The following APBA2 variants were observed in gnomAD, a reference collection of about 807,000 sequenced individuals.
APBA2 encodes amyloid-beta A4 precursor protein-binding family A member 2.
In APBA2, 30 loss-of-function variants were observed where a neutral mutation model predicts 75.0. The ratio of observed to expected loss-of-function variants is 0.40; its 90% CI spans 0.30 to 0.54. The LOEUF is 0.54. APBA2 is among the 20% of genes least tolerant of loss of function. The pLI, the probability that APBA2 is intolerant of heterozygous loss-of-function variation, is 0.49. For synonymous variants in APBA2, 444 were observed against 409.6 expected, an observed-to-expected ratio of 1.08 and a Z score of -1.01; for missense variants, 801 against 1,016.1, an observed-to-expected ratio of 0.79 and a Z score of 2.88.
intron 1 of APBA2, among the ~76,000 whole-genome samples, chr15:28,891,971 A>G (rs144174823): frequency 0.43 from 65,319 of 152,110 alleles, 14,359 homozygotes; most frequent in Non-Finnish European, 0.47. Context: ...CAATATTTAT[A>G]AAGTCTACGC....
In APBA2 at chr15:29,054,564, A is replaced by G; in HGVS notation, c.680A>G (p.Asp227Gly). The stretch of plus-strand genomic sequence containing the variant: ...CTGGAGGACCAGGAGGAGGACATTG[A>G]CCAGATCGTGGCAGAGATCAAGATG... Reference protein sequence around the residue: ...GDLEDQEEDIDQIVAEIKMSL... With the variant: ...GDLEDQEEDIGQIVAEIKMSL... The change falls in exon 4 of 15, where the codon GAC becomes GGC. Residue 227 changes from aspartate to glycine, a missense_variant. Coordinates refer to ENST00000683413, the MANE Select transcript of APBA2 (RefSeq NM_001353788.2). This position sits in a 1 kb window ranked among gnomAD's most constrained non-coding sequence, Gnocchi z 6.1. 1.2e-6 allele frequency: 2 copies of G among 1,613,824 alleles called. No homozygotes were observed. The highest frequency in any genetic ancestry group is 1.7e-6 in the Non-Finnish European group (2 of 1,179,890).
intron 2 of APBA2, among the ~76,000 whole-genome samples, chr15:28,994,925 G>A (rs551471786): frequency 6.6e-6 from 1 of 152,270 alleles, no homozygotes; most frequent in East Asian, 1.9e-4. Context: ...TGATGCCCCC[G>A]GGAGGAGGCT....
At chr15:28,963,850 A>G (rs538825615) in intron 2 of APBA2, among the ~76,000 whole-genome samples, 1 of 152,378 alleles carries the variant, frequency 6.6e-6, no homozygotes, top group East Asian at 1.9e-4. Context: ...ACAGTGATGT[A>G]GTCAACAGAA....
intron 2 of APBA2, among the ~76,000 whole-genome samples, chr15:28,988,052 C>T (rs1156535583): frequency 6.6e-6 from 1 of 151,960 alleles, no homozygotes; most frequent in Non-Finnish European, 1.5e-5. Flanking sequence ...CCACCATGCC[C>T]AGCCTGTGGA....
intron 6 of APBA2, among the ~76,000 whole-genome samples, chr15:29,090,733 T>A (rs1026088759): frequency 2.0e-5 from 3 of 152,090 alleles, no homozygotes; most frequent in Admixed American, 1.3e-4. Context: ...GCCACTGCAT[T>A]GGGCCCCACT....
intron 2 of APBA2, among the ~76,000 whole-genome samples, chr15:28,969,941 G>A (rs1315899748): frequency 6.6e-6 from 1 of 152,218 alleles, no homozygotes; most frequent in Non-Finnish European, 1.5e-5. Flanking sequence ...GAGCCTCCTC[G>A]CTGCCTGCTG....
rs111440331 is a variant in APBA2 at position 29,002,618 on chromosome 15, G to A, written c.-41+6812G>A. Among the ~76,000 whole-genome samples, 1,008 of 152,228 alleles carry A rather than the reference G, an allele frequency of 6.6e-3. 13 individuals are homozygous for A. The highest frequency in any genetic ancestry group is 0.023 in the African/African-American group (955 of 41,530). ...CCACCAGTTACCTCCTGAGCCTCACGTGTGGGGTACACTGTGTTTTGTCCG... is the reference window on the plus strand; with the variant it reads ...CCACCAGTTACCTCCTGAGCCTCACATGTGGGGTACACTGTGTTTTGTCCG... On this transcript the variant is annotated intron_variant, in intron 3 of 14. Coordinates refer to ENST00000683413, the MANE Select transcript of APBA2 (RefSeq NM_001353788.2).
chr15:29,076,952 C>G (rs1293312580), intron 6 of APBA2, among the ~76,000 whole-genome samples: 2 of 152,168 alleles, frequency 1.3e-5, no homozygotes, highest in Non-Finnish European at 2.9e-5. Context: ...TTGAACCAGG[C>G]TAATCCAGTT....
At chr15:29,116,553 G>T (rs1009470604) in intron 14 of APBA2, among the ~76,000 whole-genome samples, 1 of 151,570 alleles carries the variant, frequency 6.6e-6, no homozygotes, top group African/African-American at 2.4e-5. Context: ...ACATGAACCC[G>T]GGGGGCAGAG....
intron 4 of APBA2, among the ~76,000 whole-genome samples, chr15:29,056,995 C>A (rs114246210): frequency 0.01 from 1,558 of 152,206 alleles, 31 homozygotes; most frequent in African/African-American, 0.036. Context: ...TCCCCTTCCT[C>A]CCCTGGGGGA....
At chr15:29,096,221 G>C (rs904884658) in intron 8 of APBA2, among the ~76,000 whole-genome samples, 9 of 152,210 alleles carry the variant, frequency 5.9e-5, no homozygotes, top group Non-Finnish European at 2.9e-5. Context: ...CCTGTGGCCT[G>C]TTCTCTGGTG....
At chr15:29,051,175 G>A (rs1339511643) in intron 3 of APBA2, among the ~76,000 whole-genome samples, 1 of 152,206 alleles carries the variant, frequency 6.6e-6, no homozygotes, top group Non-Finnish European at 1.5e-5. Flanking sequence ...CAAGTTATAT[G>A]TGGTCTTTGA....
intron 3 of APBA2, among the ~76,000 whole-genome samples, chr15:29,049,292 G>A (rs998050451): frequency 2.6e-5 from 4 of 152,226 alleles, no homozygotes; most frequent in African/African-American, 9.6e-5. Flanking sequence ...GGTAACCATC[G>A]TGGAGAACAT....
chr15:29,116,406 C>G (rs940132757), intron 14 of APBA2, among the ~76,000 whole-genome samples: 1 of 152,006 alleles, frequency 6.6e-6, no homozygotes, highest in African/African-American at 2.4e-5. Flanking sequence ...GCGGGCGTAT[C>G]ACGAGGTCGG....
intron 1 of APBA2, among the ~76,000 whole-genome samples, chr15:28,916,737 C>T (rs1339151754): frequency 1.3e-5 from 2 of 152,350 alleles, no homozygotes; most frequent in African/African-American, 2.4e-5. Flanking sequence ...CACTGTAGTG[C>T]GCGTTGCCCT....
At chr15:29,022,790 A>G (rs937673912) in intron 3 of APBA2, among the ~76,000 whole-genome samples, 2 of 152,174 alleles carry the variant, frequency 1.3e-5, no homozygotes, top group African/African-American at 4.8e-5. Context: ...CTGACTTTCT[A>G]AGTTGATTTG....
chr15:29,044,616 A>G (rs2041212978), intron 3 of APBA2, among the ~76,000 whole-genome samples: 1 of 152,144 alleles, frequency 6.6e-6, no homozygotes, highest in Admixed American at 6.5e-5. Context: ...CCCTGGGCTC[A>G]TATGGGGACC....
chr15:29,112,118 C>T (rs1034665150), intron 13 of APBA2, among the ~76,000 whole-genome samples: 1 of 152,210 alleles, frequency 6.6e-6, no homozygotes, highest in Non-Finnish European at 1.5e-5. Context: ...CCAGGCCCTT[C>T]GCCTGAAGTC....
intron 2 of APBA2, among the ~76,000 whole-genome samples, chr15:28,993,335 G>A (rs2038337253): frequency 6.6e-6 from 1 of 152,258 alleles, no homozygotes; most frequent in Non-Finnish European, 1.5e-5. Context: ...GGCAAGGACA[G>A]GACACTCCTG....
Sources: gnomAD v4.1 joint callset for allele counts (sites outside exome capture counted in the v4.1 genomes callset) on GRCh38, gnomAD v4.1.1 for gene constraint, Gnocchi (gnomAD v3.1) non-coding constraint, MANE v1.5 for transcripts, NCBI Gene and HGNC (gene_info 2026-07-23, HGNC 2026-07-21) for gene names.